Variants in SAMD5 observed in about 807,000 individuals in gnomAD.
SAMD5 encodes sterile alpha motif domain containing 5.
A neutral mutation model predicts 11.3 loss-of-function variants in SAMD5; 13 were observed. The observed-to-expected ratio is 1.15, with a 90% CI of 0.75 to 1.83. The LOEUF is 1.83. Ranked by LOEUF, SAMD5 falls within the 40% of genes most tolerant of loss-of-function variation. The pLI, the probability that SAMD5 is intolerant of heterozygous loss-of-function variation, is 0.00. For missense variants in SAMD5, 255 were observed against 239.1 expected (o/e 1.07, Z -0.44); for synonymous variants, 129 against 111.3 (o/e 1.16, Z -1.00).
At chr6:147,799,659 A>T in the SAMD5 span, among the ~76,000 whole-genome samples, 1 of 150,822 alleles carries the variant, frequency 6.6e-6, no homozygotes, top group Non-Finnish European at 1.5e-5. Context: ...TATCCTGAAG[A>T]GTGTTTTCCA....
intron 1 of SAMD5, among the ~76,000 whole-genome samples, chr6:147,634,221 G>A (rs12214425): frequency 0.39 from 59,794 of 152,020 alleles, 12,940 homozygotes; most frequent in Middle Eastern, 0.51. Context: ...TCACAGTTCT[G>A]CAGGCTGTAC....
chr6:147,809,721 C>A, the SAMD5 span, among the ~76,000 whole-genome samples: 1 of 152,170 alleles, frequency 6.6e-6, no homozygotes, highest in Non-Finnish European at 1.5e-5. Context: ...GTTTTCAACA[C>A]CCTAAGTCTG....
the SAMD5 span, among the ~76,000 whole-genome samples, chr6:147,916,068 C>T: frequency 6.6e-6 from 1 of 152,018 alleles, no homozygotes; most frequent in African/African-American, 2.4e-5. Context: ...CATGTCCCTA[C>T]AAAGGACATG....
chr6:147,595,639 G>A (rs1463088404), intron 1 of SAMD5, among the ~76,000 whole-genome samples: 1 of 146,348 alleles, frequency 6.8e-6, no homozygotes, highest in African/African-American at 2.6e-5. Context: ...AGATTCTCCT[G>A]CCTCAGCCTC....
At chr6:147,545,822 T>C (rs1398827158) in intron 1 of SAMD5, among the ~76,000 whole-genome samples, 1 of 152,150 alleles carries the variant, frequency 6.6e-6, no homozygotes, top group East Asian at 1.9e-4. Flanking sequence ...AAGACAGAAA[T>C]CATCTAATAT....
chr6:147,858,660 T>TGCTCACTC, the SAMD5 span, among the ~76,000 whole-genome samples: 1 of 152,246 alleles, frequency 6.6e-6, no homozygotes, highest in African/African-American at 2.4e-5. Context: ...TCAGCTCTTC[T>TGCTCACTC]GCTCACTCAT....
intron 1 of SAMD5, among the ~76,000 whole-genome samples, chr6:147,671,433 A>T (rs1393885634): frequency 2.6e-5 from 4 of 152,230 alleles, no homozygotes; most frequent in Non-Finnish European, 5.9e-5. Context: ...AAAATGAAGT[A>T]TGCATGTATT....
chr6:147,802,749 A>G, the SAMD5 span, among the ~76,000 whole-genome samples: 2 of 152,242 alleles, frequency 1.3e-5, no homozygotes, highest in African/African-American at 2.4e-5. Context: ...CACAACACAA[A>G]GAAGAGTCAA....
At chr6:147,829,334 C>A in the SAMD5 span, among the ~76,000 whole-genome samples, 1 of 152,184 alleles carries the variant, frequency 6.6e-6, no homozygotes, top group South Asian at 2.1e-4. Flanking sequence ...ACTCTGCCCC[C>A]TGGATAGAGG....
chr6:147,909,803 C>A, the SAMD5 span, among the ~76,000 whole-genome samples: 2 of 151,978 alleles, frequency 1.3e-5, no homozygotes, highest in South Asian at 4.2e-4. Context: ...TACTATCCAG[C>A]TCTTTAGAGA....
the SAMD5 span, among the ~76,000 whole-genome samples, chr6:147,777,688 T>C: frequency 2.0e-5 from 3 of 152,162 alleles, no homozygotes; most frequent in Non-Finnish European, 4.4e-5. Context: ...CATTCCTCCT[T>C]CTTCCAGCCC....
chr6:147,661,185 C>T (rs1357423055), intron 1 of SAMD5, among the ~76,000 whole-genome samples: 2 of 151,866 alleles, frequency 1.3e-5, no homozygotes, highest in African/African-American at 2.4e-5. Flanking sequence ...GAAAAAGAAA[C>T]TAGAATCTGG....
chr6:147,566,219 A>G lies in SAMD5; in HGVS notation c.*1763A>G, dbSNP rs1789038098. The stretch of plus-strand genomic sequence containing the variant: ...AGGAAGTTAAATTTTAAAAGCATGT[A>G]TAGGTTGTCCTTAAATTATACAAAA... On this transcript the variant is annotated 3_prime_UTR_variant, in exon 2 of 2. Transcript: ENST00000367474. The G allele has an allele frequency of 1.0e-6, 1 of 976,606 alleles. No individual in the cohort carries two copies. The allele number at this position is 976,606 out of a possible 1,614,324, so 60.5% of individuals were successfully genotyped here.
chr6:147,550,875 A>G (rs1788759290), intron 1 of SAMD5, among the ~76,000 whole-genome samples: 1 of 147,032 alleles, frequency 6.8e-6, no homozygotes, highest in Non-Finnish European at 1.5e-5. Context: ...TCCGTGTAAC[A>G]AAACTGCACT....
chr6:147,823,921 G>C, the SAMD5 span, among the ~76,000 whole-genome samples: 4 of 152,098 alleles, frequency 2.6e-5, no homozygotes, highest in African/African-American at 9.7e-5. Context: ...TGTCTGCATT[G>C]AGAGTTACTA....
intron 1 of SAMD5, among the ~76,000 whole-genome samples, chr6:147,728,307 C>T (rs1401199471): frequency 2.0e-5 from 3 of 152,074 alleles, no homozygotes; most frequent in African/African-American, 7.2e-5. Context: ...AATCCCAGCT[C>T]TTCGGGAGGC....
chr6:147,794,366 C>T, the SAMD5 span, among the ~76,000 whole-genome samples: 7 of 152,042 alleles, frequency 4.6e-5, no homozygotes, highest in Non-Finnish European at 7.4e-5. Context: ...AAGCCTTATG[C>T]AGGATATAAA....
intron 1 of SAMD5, among the ~76,000 whole-genome samples, chr6:147,664,799 G>GA (rs1014561007): frequency 2.6e-5 from 4 of 151,104 alleles, no homozygotes; most frequent in Non-Finnish European, 5.9e-5. Context: ...TTTGCAACTA[G>GA]AAAAAAAAAT....
At chr6:147,915,827 G>A in the SAMD5 span, among the ~76,000 whole-genome samples, 1 of 152,084 alleles carries the variant, frequency 6.6e-6, no homozygotes, top group African/African-American at 2.4e-5. Flanking sequence ...ACGTATACAT[G>A]TGCCATGTTG....
Sources: allele counts gnomAD v4.1 joint callset (sites outside exome capture counted in the v4.1 genomes callset), GRCh38; gene constraint gnomAD v4.1.1; transcripts MANE v1.5; gene names NCBI Gene and HGNC (gene_info 2026-07-23, HGNC 2026-07-21).